Variants in IHO1 observed in about 807,000 individuals in gnomAD.
The protein encoded by IHO1 is interactor of HORMAD1 protein 1.
In IHO1, 13 loss-of-function variants were observed where a neutral mutation model predicts 31.0. That is an observed-to-expected ratio of 0.42 (90% CI 0.27 to 0.67). The LOEUF (loss-of-function observed/expected upper bound fraction) is 0.67. Ranked by LOEUF, IHO1 falls within the 30% of genes least tolerant of loss-of-function variation. The pLI is 0.24. For synonymous variants in IHO1, 221 were observed against 248.4 expected, an observed-to-expected ratio of 0.89 and a Z score of 1.04; for missense variants, 599 against 687.5, an observed-to-expected ratio of 0.87 and a Z score of 1.44.
rs1476277321 is a variant in IHO1 at position 49,256,549 on chromosome 3, AGGTG to A, written c.1054_1057del (p.Val352CysfsTer46). 2.5e-5 allele frequency: 41 copies of A among 1,614,218 alleles called. No individual in the cohort carries two copies. The highest frequency in any genetic ancestry group is 3.3e-5 in the Non-Finnish European group (39 of 1,180,040). Reference sequence around the variant, plus strand: ...GAAAGAAATAGGCATGTAAAGGACAAGGTGGTGCAGACTAACTGCAAGAACTGGG... The same window carrying A: ...GAAAGAAATAGGCATGTAAAGGACAAGTGCAGACTAACTGCAAGAACTGGG... On this transcript the variant is annotated frameshift_variant, in exon 8 of 8. Coordinates refer to ENST00000452691, the MANE Select transcript of IHO1 (RefSeq NM_001135197.2). LOFTEE classifies it low-confidence loss of function (END_TRUNC). The surrounding 1 kb of genome is among the most constrained non-coding windows in gnomAD (Gnocchi z 4.6).
At position 49,256,086 on chromosome 3, in the gene IHO1, C is replaced by T; in HGVS notation, c.637-48C>T. The stretch of plus-strand genomic sequence containing the variant: ...CTGTTCTCATGTTTTATTGTGCTTT[C>T]TGACTTGCACTGTCCATCACTGTCT... On this transcript the variant is annotated intron_variant, in intron 7 of 7. Coordinates refer to ENST00000452691, the MANE Select transcript of IHO1 (RefSeq NM_001135197.2). The surrounding 1 kb of genome is among the most constrained non-coding windows in gnomAD (Gnocchi z 4.6). 5 of 1,473,264 alleles carry T rather than the reference C, an allele frequency of 3.4e-6. No homozygotes were observed. The highest frequency in any genetic ancestry group is 4.6e-6 in the Non-Finnish European group (5 of 1,084,618). 91.3% of individuals were successfully genotyped at this position (1,473,264 alleles called of 1,614,324 possible).
At position 49,257,285 on chromosome 3, in the gene IHO1, A is replaced by C; in HGVS notation, c.*3A>C. ...GCAGTGATGATGATGGCTTCTGACC[A>C]GTCCACAGTTGATTTATTGGTCTCA... is the stretch of plus-strand genomic sequence containing the variant. On this transcript the variant is annotated 3_prime_UTR_variant, in exon 8 of 8. Coordinates refer to ENST00000452691, the MANE Select transcript of IHO1 (RefSeq NM_001135197.2). 6.2e-7 allele frequency: 1 copy of C among 1,609,664 alleles called. No homozygotes were observed. Among genetic ancestry groups the C allele is most frequent in the South Asian group, 1.1e-5 (1 of 90,682 alleles).
At chr3:49,197,236 C>T (rs1295930048), upstream of IHO1, among the ~76,000 whole-genome samples, 2 of 151,430 alleles carry the variant, frequency 1.3e-5, no homozygotes, top group Non-Finnish European at 2.9e-5. Flanking sequence ...GTGATCTGCC[C>T]ACCTTGGCCT....
intron 2 of IHO1, among the ~76,000 whole-genome samples, chr3:49,222,020 T>G (rs1019413353): frequency 6.6e-6 from 1 of 152,168 alleles, no homozygotes; most frequent in Non-Finnish European, 1.5e-5. Flanking sequence ...AGTGAGGAGG[T>G]CTAGGTCTCA....
chr3:49,222,578 G>A (rs544248992), intron 2 of IHO1, among the ~76,000 whole-genome samples: 1 of 152,312 alleles, frequency 6.6e-6, no homozygotes, highest in South Asian at 2.1e-4. Flanking sequence ...ATCGTAAAGA[G>A]TATGGTTAGT....
Position 49,218,376 on chromosome 3 carries a change from CTTTTT to C in IHO1, c.56+6560_56+6564del, listed in dbSNP as rs34312848. Among the ~76,000 whole-genome samples the C allele has an allele frequency of 6.6e-5, 7 of 105,830 alleles. No homozygotes were observed. In the South Asian group the frequency reaches 1.2e-3, roughly 18 times the overall value. 69.4% of individuals were successfully genotyped at this position (105,830 alleles called of 152,430 possible). A position where few individuals can be genotyped will look rare whatever the true frequency, so the allele number is the denominator to read the frequency against. ...ACAGTGTCAGCAGGACAGTTAATAC[CTTTTT>C]TTTTTTTTTTTTTTTTTTTGAGATA... On this transcript the variant is annotated intron_variant, in intron 2 of 7. Transcript: ENST00000452691.
At chr3:49,227,540 T>C (rs1476284360) in intron 2 of IHO1, among the ~76,000 whole-genome samples, 1 of 152,118 alleles carries the variant, frequency 6.6e-6, no homozygotes, top group Non-Finnish European at 1.5e-5. Context: ...GAAGATCAGA[T>C]TTAGTGGCCC....
Position 49,257,476 on chromosome 3 carries a change from G to A in IHO1, c.*194G>A, listed in dbSNP as rs1468323876. ...AGGTGCTGCCCCTGACAAGGATTAA[G>A]TGCATCCTTATTTATTGGAATGAAA... On this transcript the variant is annotated 3_prime_UTR_variant, in exon 8 of 8. Coordinates refer to ENST00000452691, the MANE Select transcript of IHO1 (RefSeq NM_001135197.2). 3 of 589,346 alleles carry A rather than the reference G, an allele frequency of 5.1e-6. No individual in the cohort carries two copies. The highest frequency in any genetic ancestry group is 9.0e-6 in the Non-Finnish European group (3 of 332,678). The allele number at this position is 589,346 out of a possible 1,614,324, so 36.5% of individuals were successfully genotyped here. A position where few individuals can be genotyped will look rare whatever the true frequency, so the allele number is the denominator to read the frequency against.
intron 1 of IHO1, among the ~76,000 whole-genome samples, chr3:49,202,630 C>A (rs2046083973): frequency 6.6e-6 from 1 of 151,574 alleles, no homozygotes; most frequent in African/African-American, 2.4e-5. Flanking sequence ...CCCACCTCGG[C>A]CTCCCAAAGT....
chr3:49,197,963 T>A (rs2046011442), upstream of IHO1, among the ~76,000 whole-genome samples: 1 of 152,210 alleles, frequency 6.6e-6, no homozygotes, highest in African/African-American at 2.4e-5. Context: ...TCTTTCCTTA[T>A]GGCACTCATT....
intron 6 of IHO1, among the ~76,000 whole-genome samples, chr3:49,251,711 C>A (rs575668115): frequency 1.3e-5 from 2 of 152,104 alleles, no homozygotes; most frequent in East Asian, 3.9e-4. Context: ...AAGCGATTCT[C>A]CTGCCTCAGC....
upstream of IHO1, among the ~76,000 whole-genome samples, chr3:49,196,305 T>A (rs1043635586): frequency 2.7e-5 from 4 of 148,636 alleles, no homozygotes; most frequent in African/African-American, 9.9e-5. Context: ...GAGCTTCAAC[T>A]CTATCTGTAA....
At chr3:49,210,812 C>T (rs1293161817) in intron 1 of IHO1, among the ~76,000 whole-genome samples, 1 of 150,998 alleles carries the variant, frequency 6.6e-6, no homozygotes, top group Admixed American at 6.6e-5. Flanking sequence ...ATTCTCCTGC[C>T]TCAGCCTCCC....
Position 49,200,525 on chromosome 3 carries a change from A to G in IHO1, c.-16+952A>G, listed in dbSNP as rs1448151546. 7.6e-5 allele frequency: 73 copies of G among 959,644 alleles called. No homozygotes were observed. The South Asian group carries it at 1.3e-3, about 16-fold the overall frequency. The allele number at this position is 959,644 out of a possible 1,614,324, so 59.4% of individuals were successfully genotyped here. A position where few individuals can be genotyped will look rare whatever the true frequency, so the allele number is the denominator to read the frequency against. ...AAAGAAAGAAAGAAAGAAAAGAAAA[A>G]AGATTGTCGCAGTAGAGTTGACGAC... is the stretch of plus-strand genomic sequence containing the variant. On this transcript the variant is annotated intron_variant, in intron 1 of 7. Transcript: ENST00000452691.
chr3:49,194,525 T>C (rs2045986748), upstream of IHO1, among the ~76,000 whole-genome samples: 1 of 146,626 alleles, frequency 6.8e-6, no homozygotes, highest in Non-Finnish European at 1.5e-5. Flanking sequence ...TCTCCTGACC[T>C]CGTGATCCAC....
At chr3:49,203,915 G>C (rs918029024) in intron 1 of IHO1, among the ~76,000 whole-genome samples, 2 of 152,198 alleles carry the variant, frequency 1.3e-5, no homozygotes, top group African/African-American at 4.8e-5. Context: ...ACCACAGGAG[G>C]AGAGTGCTTA....
intron 2 of IHO1, among the ~76,000 whole-genome samples, chr3:49,225,365 A>G (rs537562500): frequency 6.6e-6 from 1 of 152,264 alleles, no homozygotes; most frequent in Middle Eastern, 3.4e-3. Context: ...CAGGAGGCTG[A>G]GGCAGGAGAA....
At chr3:49,254,274 A>G (rs1162834530) in intron 6 of IHO1, among the ~76,000 whole-genome samples, 4 of 152,140 alleles carry the variant, frequency 2.6e-5, no homozygotes, top group South Asian at 2.1e-4. Context: ...TTGCAACACA[A>G]TGTGTCATTA....
intron 6 of IHO1, among the ~76,000 whole-genome samples, chr3:49,249,954 A>G (rs1298954966): frequency 6.6e-6 from 1 of 152,242 alleles, no homozygotes; most frequent in Non-Finnish European, 1.5e-5. Context: ...GGCCTTACCA[A>G]GTTGCTAAAA....
Sources: allele counts gnomAD v4.1 joint callset (sites outside exome capture counted in the v4.1 genomes callset), GRCh38; gene constraint gnomAD v4.1.1; non-coding constraint Gnocchi (gnomAD v3.1); transcripts MANE v1.5; gene names NCBI Gene and HGNC (gene_info 2026-07-23, HGNC 2026-07-21).